KCNG3: variants seen among roughly 807,000 people sequenced by gnomAD.
The protein encoded by KCNG3 is voltage-gated potassium channel regulatory subunit KCNG3.
KCNG3 carries 15 observed loss-of-function variants against 29.0 expected under a neutral mutation model. The observed-to-expected ratio is 0.52, with a 90% CI of 0.35 to 0.80. KCNG3 has a LOEUF of 0.80. KCNG3 is among the 30% of genes least tolerant of loss of function. KCNG3 has a pLI of 0.01. For missense variants in KCNG3, 512 were observed against 605.7 expected (o/e 0.85, Z 1.62); for synonymous variants, 322 against 248.9 (o/e 1.29, Z -2.76).
chr2:42,481,140 G>C (rs1182413890), intron 1 of KCNG3, among the ~76,000 whole-genome samples: 1 of 152,166 alleles, frequency 6.6e-6, no homozygotes, highest in Non-Finnish European at 1.5e-5. Flanking sequence ...GCCTGAGTTC[G>C]TCTGCGGGTT....
At chr2:42,491,999 G>T (rs1257693686) in intron 1 of KCNG3, among the ~76,000 whole-genome samples, 1 of 152,096 alleles carries the variant, frequency 6.6e-6, no homozygotes, top group African/African-American at 2.4e-5. Flanking sequence ...ATGCTCACTT[G>T]TACTAAAAAC....
At chr2:42,475,836 G>A (rs193160098) in intron 1 of KCNG3, among the ~76,000 whole-genome samples, 3 of 152,210 alleles carry the variant, frequency 2.0e-5, no homozygotes, top group African/African-American at 7.2e-5. Context: ...AAGCCAAGGT[G>A]GGTGGATCAC....
downstream of KCNG3, among the ~76,000 whole-genome samples, chr2:42,440,220 A>G (rs1672443290): frequency 6.6e-6 from 1 of 152,132 alleles, no homozygotes; most frequent in South Asian, 2.1e-4. Flanking sequence ...AAATGATTAG[A>G]CTATGTCTGA....
chr2:42,461,117 C>T (rs1233629500), intron 1 of KCNG3, among the ~76,000 whole-genome samples: 1 of 147,578 alleles, frequency 6.8e-6, no homozygotes, highest in Non-Finnish European at 1.5e-5. Context: ...GCCGAGATCA[C>T]GCCACTGCAC....
At chr2:42,419,918 T>C in the KCNG3 span, among the ~76,000 whole-genome samples, 2 of 152,034 alleles carry the variant, frequency 1.3e-5, no homozygotes, top group South Asian at 4.1e-4. Context: ...ACTATCTGCA[T>C]AATCTACATA....
chr2:42,446,180 T>A (rs886338230), intron 1 of KCNG3, among the ~76,000 whole-genome samples: 3 of 151,782 alleles, frequency 2.0e-5, no homozygotes, highest in African/African-American at 4.8e-5. Flanking sequence ...TAACATTTTT[T>A]ATTTTTTTTT....
intron 1 of KCNG3, among the ~76,000 whole-genome samples, chr2:42,474,223 G>A (rs943064886): frequency 3.3e-5 from 5 of 150,958 alleles, no homozygotes; most frequent in South Asian, 2.1e-4. Flanking sequence ...AGTTCATCTC[G>A]GAGAGAAAAA....
chr2:42,455,674 T>C (rs1051960267), intron 1 of KCNG3, among the ~76,000 whole-genome samples: 4 of 152,062 alleles, frequency 2.6e-5, no homozygotes, highest in African/African-American at 9.7e-5. Context: ...GAGGCTGAAG[T>C]GGGAGGATCA....
At chr2:42,473,520 T>C (rs901801623) in intron 1 of KCNG3, among the ~76,000 whole-genome samples, 3 of 151,962 alleles carry the variant, frequency 2.0e-5, no homozygotes, top group African/African-American at 7.2e-5. Context: ...TGACTAATTT[T>C]TGTATTTTTA....
At chr2:42,484,422 A>C (rs1040039307) in intron 1 of KCNG3, among the ~76,000 whole-genome samples, 1 of 152,234 alleles carries the variant, frequency 6.6e-6, no homozygotes. Flanking sequence ...AGATCGTGCC[A>C]CTGCACTCCA....
At chr2:42,394,015 A>C in the KCNG3 span, among the ~76,000 whole-genome samples, 1 of 152,158 alleles carries the variant, frequency 6.6e-6, no homozygotes, top group Non-Finnish European at 1.5e-5. Flanking sequence ...TCCTGACCTC[A>C]GGTGATCCAC....
chr2:42,453,244 GCT>G (rs1672806899), intron 1 of KCNG3, among the ~76,000 whole-genome samples: 1 of 152,180 alleles, frequency 6.6e-6, no homozygotes, highest in Non-Finnish European at 1.5e-5. Context: ...TCATATGGTA[GCT>G]CTATTTTCAG....
At chr2:42,432,949 C>T in the KCNG3 span, among the ~76,000 whole-genome samples, 1 of 121,896 alleles carries the variant, frequency 8.2e-6, no homozygotes, top group Admixed American at 7.8e-5. Flanking sequence ...AAAAAAAAAA[C>T]AAAAAAACAA....
At chr2:42,485,580 G>C (rs572769213) in intron 1 of KCNG3, among the ~76,000 whole-genome samples, 1 of 152,164 alleles carries the variant, frequency 6.6e-6, no homozygotes, top group African/African-American at 2.4e-5. Context: ...GAGTAGCTCG[G>C]ACTACAGGCG....
intron 1 of KCNG3, chr2:42,463,355 T>A: frequency 6.6e-6 from 1 of 152,522 alleles, no homozygotes; most frequent in Non-Finnish European, 1.4e-5. Flanking sequence ...CCTGATGAAG[T>A]GAGTGTTACT....
intron 1 of KCNG3, among the ~76,000 whole-genome samples, chr2:42,484,272 G>A (rs959268732): frequency 6.6e-6 from 1 of 152,062 alleles, no homozygotes; most frequent in Non-Finnish European, 1.5e-5. Flanking sequence ...GACCAGCCTG[G>A]CCAACATGGT....
At chr2:42,395,607 A>C in the KCNG3 span, among the ~76,000 whole-genome samples, 1 of 152,198 alleles carries the variant, frequency 6.6e-6, no homozygotes, top group Non-Finnish European at 1.5e-5. Context: ...TCCTTGACTT[A>C]AAACAGGATT....
At chr2:42,434,243 G>C in the KCNG3 span, among the ~76,000 whole-genome samples, 1 of 151,968 alleles carries the variant, frequency 6.6e-6, no homozygotes, top group Admixed American at 6.6e-5. Flanking sequence ...CTTGAGCCCA[G>C]GAGTTCAAAA....
chr2:42,489,950 A>G (rs1364364879), intron 1 of KCNG3, among the ~76,000 whole-genome samples: 1 of 152,170 alleles, frequency 6.6e-6, no homozygotes, highest in Non-Finnish European at 1.5e-5. Context: ...TCTCCAACTC[A>G]TCTTCCTGTG....
Sources: allele counts gnomAD v4.1 joint callset (sites outside exome capture counted in the v4.1 genomes callset), GRCh38; gene constraint gnomAD v4.1.1; transcripts MANE v1.5; gene names NCBI Gene and HGNC (gene_info 2026-07-23, HGNC 2026-07-21).